The following ARID3B variants were observed in gnomAD, a reference collection of about 807,000 sequenced individuals.
ARID3B encodes AT-rich interactive domain-containing protein 3B.
Under a neutral mutation model 51.9 loss-of-function variants are expected in ARID3B, and 10 were observed. That is an observed-to-expected ratio of 0.19 (90% CI 0.12 to 0.33). ARID3B has a LOEUF of 0.33. Ranked by LOEUF, ARID3B falls within the 10% of genes least tolerant of loss-of-function variation. ARID3B has a pLI of 1.00. For missense variants in ARID3B, 483 were observed against 716.3 expected (o/e 0.67, Z 3.72); for synonymous variants, 205 against 279.5 (o/e 0.73, Z 2.66).
chr15:74,578,010 A>G (rs2141469934), intron 4 of ARID3B, among the ~76,000 whole-genome samples: 1 of 151,936 alleles, frequency 6.6e-6, no homozygotes, highest in African/African-American at 2.4e-5. Context: ...GCCATGCACC[A>G]CCATGCCTGG....
intron 4 of ARID3B, among the ~76,000 whole-genome samples, chr15:74,586,748 G>A (rs997912378): frequency 6.6e-6 from 1 of 152,204 alleles, no homozygotes; most frequent in Non-Finnish European, 1.5e-5. Context: ...GGCATGGTAG[G>A]CATGGTAAAG....
intron 2 of ARID3B, among the ~76,000 whole-genome samples, chr15:74,560,925 G>A (rs770680772): frequency 1.1e-4 from 17 of 152,136 alleles, no homozygotes; most frequent in African/African-American, 3.4e-4. Flanking sequence ...CTTTGCTACC[G>A]GTGATATATT....
chr15:74,553,803 T>TTTATTTATTTA (rs1567116856), intron 2 of ARID3B, among the ~76,000 whole-genome samples: 4 of 150,136 alleles, frequency 2.7e-5, no homozygotes, highest in African/African-American at 9.8e-5. Flanking sequence ...GTTTTTTAAT[T>TTTATTTATTTA]TTTATTTATT....
chr15:74,568,780 T>C (rs1380388144), intron 2 of ARID3B, among the ~76,000 whole-genome samples: 6 of 152,116 alleles, frequency 3.9e-5, no homozygotes, highest in Non-Finnish European at 8.8e-5. Context: ...CTGAGAAGGC[T>C]GTAAATGGCA....
chr15:74,567,279 C>T (rs912964240), intron 2 of ARID3B, among the ~76,000 whole-genome samples: 1 of 152,202 alleles, frequency 6.6e-6, no homozygotes, highest in Non-Finnish European at 1.5e-5. Flanking sequence ...TCAACCCATT[C>T]TTCAAGGCCA....
At position 74,544,354 on chromosome 15, in the gene ARID3B, C is replaced by A. The variant is rs761662268; in HGVS notation, c.418C>A (p.Leu140Ile). The change falls in exon 2 of 9, where the codon CTA (leucine) becomes ATA (isoleucine). Residue 140 changes from leucine (L) to isoleucine (I), a missense_variant. Physicochemically the swap from Leu to Ile is conservative, Grantham distance 5 (BLOSUM62 2). This residue lies in a region of ARID3B where 182 missense variants were observed against 244.5 expected (regional missense o/e 0.74). Transcript: ENST00000346246. ...TCCCAGAGTGGCACCCATGTCCAAT[C>A]TACTTCCAGCACCAGGGCTCCCACC... is the stretch of plus-strand genomic sequence containing the variant. ...QDPRVAPMSN[L>I]LPAPGLPPHG... The A allele has an allele frequency of 6.2e-7, 1 of 1,612,510 alleles. No homozygotes were observed. Among genetic ancestry groups the A allele is most frequent in the African/African-American group, 1.3e-5 (1 of 74,944 alleles).
chr15:74,549,251 A>G (rs1018686067), intron 2 of ARID3B, among the ~76,000 whole-genome samples: 4 of 151,346 alleles, frequency 2.6e-5, no homozygotes, highest in Admixed American at 6.6e-5. Context: ...ATTTTTTTGT[A>G]TTTTTAGTAG....
In ARID3B at chr15:74,566,726, C is replaced by T. The variant is rs138193862; in HGVS notation, c.553-6136C>T. 6.6e-4 allele frequency among the ~76,000 whole-genome samples: 100 copies of T among 151,980 alleles called. 2 individuals are homozygous for T. The East Asian group carries it at 0.015, about 22-fold the overall frequency. On this transcript the variant is annotated intron_variant, in intron 2 of 8. Coordinates refer to ENST00000346246, the MANE Select transcript of ARID3B (RefSeq NM_006465.4). The stretch of plus-strand genomic sequence containing the variant: ...GTAGGGTGGAAAGCAAATGATAAGT[C>T]GTGACAAATGGTTCAGATTAATCTA...
At chr15:74,594,265 A>G (rs1015188186) in intron 8 of ARID3B, among the ~76,000 whole-genome samples, 12 of 151,970 alleles carry the variant, frequency 7.9e-5, no homozygotes, top group Admixed American at 2.6e-4. Flanking sequence ...TGGCTAACAC[A>G]GTGAAACCCC....
chr15:74,558,637 T>A (rs2061668140), intron 2 of ARID3B, among the ~76,000 whole-genome samples: 1 of 152,266 alleles, frequency 6.6e-6, no homozygotes, highest in Non-Finnish European at 1.5e-5. Flanking sequence ...CCATTCTTTT[T>A]AAACATGCTT....
At chr15:74,552,843 C>T (rs1038003192) in intron 2 of ARID3B, among the ~76,000 whole-genome samples, 5 of 152,142 alleles carry the variant, frequency 3.3e-5, no homozygotes, top group African/African-American at 9.7e-5. Flanking sequence ...TCCTGAAGGA[C>T]GTCTTGGTTG....
Position 74,598,072 on chromosome 15 carries a change from T to C in ARID3B, c.*2298T>C, listed in dbSNP as rs2141486802. 1.9e-6 allele frequency: 1 copy of C among 522,678 alleles called. No homozygotes were observed. The highest frequency in any genetic ancestry group is 4.1e-5 in the East Asian group (1 of 24,448). The allele number at this position is 522,678 out of a possible 1,614,324, so 32.4% of individuals were successfully genotyped here. On this transcript the variant is annotated 3_prime_UTR_variant, in exon 9 of 9. Coordinates refer to ENST00000346246, the MANE Select transcript of ARID3B (RefSeq NM_006465.4). ...GCAAGTGTCTATATGTTGTGGTTATTTTCTATCTTACATGTTCTCGAATGT... is the reference window on the plus strand; with the variant it reads ...GCAAGTGTCTATATGTTGTGGTTATCTTCTATCTTACATGTTCTCGAATGT...
chr15:74,570,995 A>T (rs987616578), intron 2 of ARID3B, among the ~76,000 whole-genome samples: 3 of 152,220 alleles, frequency 2.0e-5, no homozygotes. Context: ...GTGCATGGTC[A>T]GATAGCATTT....
At chr15:74,549,311 G>A (rs1249148785) in intron 2 of ARID3B, among the ~76,000 whole-genome samples, 9 of 152,070 alleles carry the variant, frequency 5.9e-5, no homozygotes, top group East Asian at 1.9e-4. Flanking sequence ...TCCTGACCTC[G>A]TGATCCGTCC....
chr15:74,569,501 C>T (rs937876978), intron 2 of ARID3B, among the ~76,000 whole-genome samples: 2 of 152,166 alleles, frequency 1.3e-5, no homozygotes, highest in Non-Finnish European at 2.9e-5. Context: ...GCAGGAGAAT[C>T]GCCTGAACCT....
At chr15:74,560,218 T>G (rs561837067) in intron 2 of ARID3B, among the ~76,000 whole-genome samples, 2 of 151,406 alleles carry the variant, frequency 1.3e-5, no homozygotes, top group South Asian at 2.1e-4. Context: ...AAAAAAAAAT[T>G]TATATACAAT....
chr15:74,579,860 TGTGTGTGTGTGTGCGC>T (rs764830414), intron 4 of ARID3B, among the ~76,000 whole-genome samples: 305 of 145,780 alleles, frequency 2.1e-3, no homozygotes, highest in Middle Eastern at 0.011. Context: ...TGTGTGTGTG[TGTGTGTGTGTGTGCGC>T]GCGCGCGCAC....
intron 2 of ARID3B, among the ~76,000 whole-genome samples, chr15:74,560,165 ACTG>A (rs926634624): frequency 7.8e-4 from 119 of 151,634 alleles, no homozygotes; most frequent in African/African-American, 2.8e-3. Flanking sequence ...CGATTGCACC[ACTG>A]CACTCCAGCC....
At chr15:74,576,480 CCTT>C (rs2061738030) in intron 4 of ARID3B, among the ~76,000 whole-genome samples, 1 of 152,006 alleles carries the variant, frequency 6.6e-6, no homozygotes, top group Non-Finnish European at 1.5e-5. Context: ...CATAGTGAGA[CCTT>C]CTCTCTACAA....
Sources: gnomAD v4.1 joint callset for allele counts (sites outside exome capture counted in the v4.1 genomes callset) on GRCh38, gnomAD v4.1.1 for gene constraint, gnomAD v4.1.1 regional missense constraint, MANE v1.5 for transcripts, NCBI Gene and HGNC (gene_info 2026-07-23, HGNC 2026-07-21) for gene names.